Variants in NAA25 observed in about 807,000 individuals in gnomAD.
NAA25 encodes the protein N-terminal acetyltransferase B complex subunit NAA25.
A neutral mutation model predicts 132.5 loss-of-function variants in NAA25; 30 were observed. That is an observed-to-expected ratio of 0.23 (90% confidence interval 0.17 to 0.31). NAA25 has a LOEUF of 0.31. Among genes scored for constraint, NAA25 ranks in the 10% least tolerant of loss-of-function variants. The pLI, the probability that NAA25 is intolerant of heterozygous loss-of-function variation, is 1.00. For synonymous variants in NAA25, 359 were observed against 401.9 expected (o/e 0.89, Z 1.28); for missense variants, 771 against 1,150.4 (o/e 0.67, Z 4.77).
chr12:112,031,559 A>G (rs1024130143), intron 23 of NAA25, among the ~76,000 whole-genome samples: 1 of 152,172 alleles, frequency 6.6e-6, no homozygotes, highest in South Asian at 2.1e-4. Context: ...GGCTTGAAAA[A>G]TCCAGAGAGT....
rs565972399 is a variant in NAA25, at chr12:112,091,620, G to C, written c.145-756C>G. Among the ~76,000 whole-genome samples, 4 of 152,066 alleles carry C rather than the reference G, an allele frequency of 2.6e-5. No individual in the cohort carries two copies. In the East Asian group the frequency reaches 7.8e-4, roughly 30 times the overall value. ...AGGTAGGAGGATCGCTTGAGTCCGG[G>C]GGGTCAAAGCTGCAGTGAGCTGTGA... On this transcript the variant is annotated intron_variant, in intron 2 of 23. Transcript: ENST00000261745.
At chr12:112,055,521 C>T (rs577920388) in intron 13 of NAA25, among the ~76,000 whole-genome samples, 7 of 152,032 alleles carry the variant, frequency 4.6e-5, no homozygotes, top group Non-Finnish European at 7.4e-5. Flanking sequence ...ATAGCTAGAC[C>T]TCGTCTCTAC....
intron 11 of NAA25, among the ~76,000 whole-genome samples, chr12:112,062,315 C>T (rs776711172): frequency 1.3e-5 from 2 of 151,420 alleles, no homozygotes; most frequent in Admixed American, 6.6e-5. Context: ...GCAGGAGAAT[C>T]GCTTGAACCT....
At chr12:112,062,830 C>T (rs2078656117) in intron 11 of NAA25, among the ~76,000 whole-genome samples, 1 of 152,018 alleles carries the variant, frequency 6.6e-6, no homozygotes, top group Non-Finnish European at 1.5e-5. Context: ...ATCACTTGTG[C>T]TCAAGAGTTC....
intron 19 of NAA25, 190 bp from the exon 20 acceptor site, chr12:112,042,294 G>A (rs2078311164): frequency 1.3e-5 from 4 of 318,796 alleles, no homozygotes; most frequent in Non-Finnish European, 2.2e-5. Flanking sequence ...TAAAAAGAAA[G>A]GCACTAATTA....
chr12:112,101,219 A>G (rs532602687), intron 1 of NAA25, among the ~76,000 whole-genome samples: 9 of 152,298 alleles, frequency 5.9e-5, no homozygotes, highest in African/African-American at 2.2e-4. Context: ...CTCTCATGGC[A>G]AACTGTCCTA....
At chr12:112,107,973 G>C (rs1166826894) in intron 1 of NAA25, among the ~76,000 whole-genome samples, 1 of 152,218 alleles carries the variant, frequency 6.6e-6, no homozygotes, top group East Asian at 1.9e-4. Flanking sequence ...GATCTGCTTA[G>C]CACAGGGAAG....
At position 112,028,273 on chromosome 12, in the gene NAA25, A is replaced by C. The variant is rs1490277475; in HGVS notation, c.*1258T>G. ...ACAGAATTAAACTTGAACTATATTT[A>C]GGTAACAGACCAAAAACAGAAGCAG... is the stretch of plus-strand genomic sequence containing the variant. On this transcript the variant is annotated 3_prime_UTR_variant, in exon 24 of 24. Coordinates refer to ENST00000261745, the MANE Select transcript of NAA25 (RefSeq NM_024953.4). 6.6e-6 allele frequency: 1 copy of C among 152,536 alleles called. No homozygotes were observed. The highest frequency in any genetic ancestry group is 1.5e-5 in the Non-Finnish European group (1 of 68,046). 9.4% of individuals were successfully genotyped at this position (152,536 alleles called of 1,614,324 possible).
chr12:112,098,135 A>AC (rs1395281986), intron 1 of NAA25, among the ~76,000 whole-genome samples: 6 of 149,468 alleles, frequency 4.0e-5, no homozygotes, highest in Middle Eastern at 3.2e-3. Context: ...AAAAAAAAAA[A>AC]AAAAAACCAA....
At chr12:112,082,416 T>C (rs1248395795) in intron 4 of NAA25, among the ~76,000 whole-genome samples, 1 of 151,292 alleles carries the variant, frequency 6.6e-6, no homozygotes, top group Non-Finnish European at 1.5e-5. Context: ...CACATATATA[T>C]GTATGTTAAC....
rs762482325 is a variant in NAA25, at chr12:112,043,210, T to A, written c.2252A>T (p.Tyr751Phe). ...GKRFIEKDIQ[Y>F]PFLGPVPTRM... Reference sequence around the variant, plus strand: ...GGTAGGTACAGGACCAAGGAAAGGATACTGGAAAAAAGGGAGAAAAATAAT... The same window carrying A: ...GGTAGGTACAGGACCAAGGAAAGGAAACTGGAAAAAAGGGAGAAAAATAAT... Residue 751 changes from tyrosine to phenylalanine, a missense_variant and splice_region_variant, in exon 19 of 24, where the codon TAT (tyrosine) becomes TTT (phenylalanine). Coordinates refer to ENST00000261745, the MANE Select transcript of NAA25 (RefSeq NM_024953.4). 1.3e-6 allele frequency: 2 copies of A among 1,580,584 alleles called. No individual in the cohort carries two copies. The highest frequency in any genetic ancestry group is 8.6e-7 in the Non-Finnish European group (1 of 1,165,766).
chr12:112,049,392 A>G lies in NAA25; in HGVS notation c.1729-949T>C, dbSNP rs1047215863. ...CCTTTCTAGAAAAAACAGTCTTTTT[A>G]CACAGCCTCAGTTAATCAGCTCTGC... On this transcript the variant is annotated intron_variant, in intron 15 of 23. Transcript: ENST00000261745. This position sits in a 1 kb window ranked among gnomAD's most constrained non-coding sequence, Gnocchi z 4.7. 13 of 934,394 alleles carry G rather than the reference A, an allele frequency of 1.4e-5. No individual in the cohort carries two copies. Among genetic ancestry groups the G allele is most frequent in the Non-Finnish European group, 1.7e-5 (13 of 783,190 alleles). The allele number at this position is 934,394 out of a possible 1,614,324, so 57.9% of individuals were successfully genotyped here.
intron 1 of NAA25, among the ~76,000 whole-genome samples, chr12:112,107,243 G>C (rs2079375695): frequency 6.6e-6 from 1 of 152,082 alleles, no homozygotes; most frequent in Non-Finnish European, 1.5e-5. Flanking sequence ...CTGGACGACA[G>C]AGTGAGACTC....
chr12:112,082,964 G>A (rs1361585865), intron 4 of NAA25, among the ~76,000 whole-genome samples: 3 of 152,148 alleles, frequency 2.0e-5, no homozygotes, highest in Non-Finnish European at 4.4e-5. Context: ...AAACAATTAA[G>A]AGTAGCAGGA....
rs1435778188 is a variant in NAA25 at position 112,068,872 on chromosome 12, G to A, written c.1149+8C>T. On this transcript the variant is annotated splice_region_variant and intron_variant, in intron 11 of 23. Coordinates refer to ENST00000261745, the MANE Select transcript of NAA25 (RefSeq NM_024953.4). The stretch of plus-strand genomic sequence containing the variant: ...ACCCAACAAACTTCTAAACTGTATA[G>A]TACTTACTTTTGTACACTGTGTAGC... The A allele has an allele frequency of 9.2e-6, 14 of 1,517,744 alleles. No homozygotes were observed. The highest frequency in any genetic ancestry group is 1.2e-5 in the Non-Finnish European group (13 of 1,100,576). The allele number at this position is 1,517,744 out of a possible 1,614,324, so 94.0% of individuals were successfully genotyped here. A position where few individuals can be genotyped will look rare whatever the true frequency, so the allele number is the denominator to read the frequency against.
At chr12:112,061,146 C>T in intron 12 of NAA25, 35 bp downstream of exon 12, 1 of 1,583,740 alleles carries the variant, frequency 6.3e-7, no homozygotes, top group Non-Finnish European at 8.6e-7. Context: ...TAGTGTAGAT[C>T]AGGGAACTAC....
intron 5 of NAA25, 67 bp downstream of exon 5, chr12:112,080,993 C>T (rs976855983): frequency 7.5e-7 from 1 of 1,327,220 alleles, no homozygotes; most frequent in Non-Finnish European, 1.1e-6. Flanking sequence ...TCAGAAGACA[C>T]ACTGAGGACA....
chr12:112,076,793 C>T (rs529772745), intron 7 of NAA25, among the ~76,000 whole-genome samples: 3 of 151,090 alleles, frequency 2.0e-5, no homozygotes, highest in South Asian at 4.2e-4. Flanking sequence ...ACCAGGAGTT[C>T]GAGACCAGCC....
chr12:112,062,552 C>G (rs2078649932), intron 11 of NAA25, among the ~76,000 whole-genome samples: 1 of 151,916 alleles, frequency 6.6e-6, no homozygotes, highest in African/African-American at 2.4e-5. Flanking sequence ...CAGTGAAACC[C>G]TGTCTCTACT....
Sources: allele counts gnomAD v4.1 joint callset (sites outside exome capture counted in the v4.1 genomes callset), GRCh38; gene constraint gnomAD v4.1.1; non-coding constraint Gnocchi (gnomAD v3.1); transcripts MANE v1.5; gene names NCBI Gene and HGNC (gene_info 2026-07-23, HGNC 2026-07-21).